Variants in ATXN10 observed in about 807,000 individuals in gnomAD.
ATXN10 encodes the protein ataxin 10.
Under a neutral mutation model 52.9 loss-of-function variants are expected in ATXN10, and 28 were observed. The observed-to-expected ratio is 0.53, with a 90% CI of 0.39 to 0.73. The LOEUF (loss-of-function observed/expected upper bound fraction) is 0.73. Ranked by LOEUF, ATXN10 falls within the 30% of genes least tolerant of loss-of-function variation. ATXN10 has a pLI of 0.00. For synonymous variants in ATXN10, 226 were observed against 221.5 expected, an observed-to-expected ratio of 1.02 and a Z score of -0.18; for missense variants, 565 against 577.0, an observed-to-expected ratio of 0.98 and a Z score of 0.21.
At position 45,712,866 on chromosome 22, in the gene ATXN10, A is replaced by G. The variant is rs143534015; in HGVS notation, c.648-5547A>G. Among the ~76,000 whole-genome samples, 6 of 152,192 alleles carry G rather than the reference A, an allele frequency of 3.9e-5. No individual in the cohort carries two copies. The highest frequency in any genetic ancestry group is 6.5e-5 in the Admixed American group (1 of 15,276). ...AGACCAGCTTTGTAAGCTTTGTCCA[A>G]ATTGCTGTGTTAAGCAACTGTGGGT... On this transcript the variant is annotated intron_variant, in intron 5 of 11. Coordinates refer to ENST00000252934, the MANE Select transcript of ATXN10 (RefSeq NM_013236.4). The surrounding 1 kb of genome is among the most constrained non-coding windows in gnomAD (Gnocchi z 4.6).
chr22:45,811,079 C>T (rs1928264261), intron 10 of ATXN10, among the ~76,000 whole-genome samples: 1 of 152,010 alleles, frequency 6.6e-6, no homozygotes, highest in Non-Finnish European at 1.5e-5. Context: ...ATATTTTTGT[C>T]TACTTTGATT....
chr22:45,692,866 A>G (rs1031843869), intron 2 of ATXN10, 130 bp from the exon 3 acceptor site: 1 of 769,834 alleles, frequency 1.3e-6, no homozygotes, highest in Admixed American at 2.1e-5. Context: ...GTAAAGAGCC[A>G]GATAATAAAT....
At chr22:45,807,340 T>C (rs1184536848) in intron 10 of ATXN10, among the ~76,000 whole-genome samples, 1 of 152,078 alleles carries the variant, frequency 6.6e-6, no homozygotes, top group Non-Finnish European at 1.5e-5. Flanking sequence ...ACCTTTCCAG[T>C]GTGTGTGTGG....
At chr22:45,721,240 T>G (rs1248725493) in intron 6 of ATXN10, among the ~76,000 whole-genome samples, 1 of 152,150 alleles carries the variant, frequency 6.6e-6, no homozygotes, top group Admixed American at 6.5e-5. Flanking sequence ...TCCAGGTGAA[T>G]TGGAGTGAAT....
At chr22:45,792,743 G>T in intron 9 of ATXN10, 1 of 455,550 alleles carries the variant, frequency 2.2e-6, no homozygotes, top group Non-Finnish European at 4.5e-6. Flanking sequence ...CTATAAACAA[G>T]CCAAGGTTTT....
At chr22:45,792,771 G>A (rs866545846) in intron 9 of ATXN10, 11 of 479,104 alleles carry the variant, frequency 2.3e-5, no homozygotes, top group Non-Finnish European at 3.8e-5. Flanking sequence ...TTTTGAAATC[G>A]TCAACCTCCA....
At position 45,738,557 on chromosome 22, in the gene ATXN10, G is replaced by A. The variant is rs73886500; in HGVS notation, c.895-174G>A. 1.2e-3 allele frequency: 717 copies of A among 604,216 alleles called. 5 individuals are homozygous for A. The African/African-American group carries it at 0.012, about 10-fold the overall frequency. 37.4% of individuals were successfully genotyped at this position (604,216 alleles called of 1,614,324 possible). A position where few individuals can be genotyped will look rare whatever the true frequency, so the allele number is the denominator to read the frequency against. On this transcript the variant is annotated intron_variant, in intron 7 of 11. Coordinates refer to ENST00000252934, the MANE Select transcript of ATXN10 (RefSeq NM_013236.4). ...GCTGTTAGTGAAAATGATGAGTCGTGTACATATTTCATACTTCTGTTTTGT... is the reference window on the plus strand; with the variant it reads ...GCTGTTAGTGAAAATGATGAGTCGTATACATATTTCATACTTCTGTTTTGT...
At chr22:45,782,061 G>A (rs575556021) in intron 9 of ATXN10, among the ~76,000 whole-genome samples, 1 of 152,346 alleles carries the variant, frequency 6.6e-6, no homozygotes, top group South Asian at 2.1e-4. Flanking sequence ...AAATTCAAGA[G>A]GGTCAAGAGT....
In ATXN10 at chr22:45,775,604, G is replaced by A. The variant is rs1001865659; in HGVS notation, c.1174-31355G>A. Among the ~76,000 whole-genome samples, 2 of 152,156 alleles carry A rather than the reference G, an allele frequency of 1.3e-5. No individual in the cohort carries two copies. The highest frequency in any genetic ancestry group is 3.8e-4 in the East Asian group (2 of 5,200). On this transcript the variant is annotated intron_variant, in intron 9 of 11. Transcript: ENST00000252934. This position sits in a 1 kb window ranked among gnomAD's most constrained non-coding sequence, Gnocchi z 4.7. ...TAGGTGACTGCCAAACATGGCTTTC[G>A]TCAGTGTTAGCCTGTGTAATGACAC...
intron 9 of ATXN10, among the ~76,000 whole-genome samples, chr22:45,743,306 T>G (rs377518153): frequency 6.6e-6 from 1 of 152,194 alleles, no homozygotes; most frequent in African/African-American, 2.4e-5. Flanking sequence ...CCTCTGGGAT[T>G]TTTTTCCTCC....
At chr22:45,730,685 C>T (rs1163255066) in intron 7 of ATXN10, among the ~76,000 whole-genome samples, 17 of 152,188 alleles carry the variant, frequency 1.1e-4, no homozygotes, top group Admixed American at 1.1e-3. Flanking sequence ...GATCTGCCTG[C>T]CTCGGCCTGC....
At chr22:45,679,561 C>T (rs907953334) in intron 1 of ATXN10, 3 of 152,294 alleles carry the variant, frequency 2.0e-5, no homozygotes, top group South Asian at 2.1e-4. Flanking sequence ...ATTACTGAGC[C>T]TCTGGGCAGC....
chr22:45,765,804 G>A (rs1392499727), intron 9 of ATXN10, among the ~76,000 whole-genome samples: 1 of 152,068 alleles, frequency 6.6e-6, no homozygotes, highest in Non-Finnish European at 1.5e-5. Context: ...CATTCAGATG[G>A]CATTTCTCCT....
chr22:45,736,524 A>G (rs1285690091), intron 7 of ATXN10, among the ~76,000 whole-genome samples: 1 of 151,984 alleles, frequency 6.6e-6, no homozygotes, highest in Non-Finnish European at 1.5e-5. Flanking sequence ...AGTGATTGAC[A>G]TAACTTTACT....
chr22:45,768,869 G>A (rs928661024), intron 9 of ATXN10, among the ~76,000 whole-genome samples: 6 of 152,208 alleles, frequency 3.9e-5, no homozygotes, highest in Admixed American at 3.3e-4. Context: ...TGGCTCTTAG[G>A]TAATATTAAG....
rs750279857 is a variant in ATXN10, at chr22:45,833,482, A to G, written c.1238-9509A>G. 1.3e-4 allele frequency among the ~76,000 whole-genome samples: 20 copies of G among 152,308 alleles called. No individual in the cohort carries two copies. The highest frequency in any genetic ancestry group is 1.3e-4 in the Admixed American group (2 of 15,298). On this transcript the variant is annotated intron_variant, in intron 10 of 11. Coordinates refer to ENST00000252934, the MANE Select transcript of ATXN10 (RefSeq NM_013236.4). This position sits in a 1 kb window ranked among gnomAD's most constrained non-coding sequence, Gnocchi z 4.3. ...CTTCATTTAATCCTTTCTAACTTAGAACTATTTTTGATCCTTGGCTGTACT... is the reference window on the plus strand; with the variant it reads ...CTTCATTTAATCCTTTCTAACTTAGGACTATTTTTGATCCTTGGCTGTACT...
At chr22:45,827,136 C>T (rs1019123867) in intron 10 of ATXN10, among the ~76,000 whole-genome samples, 1 of 3,380 alleles carries the variant, frequency 3.0e-4, no homozygotes, top group Non-Finnish European at 4.7e-4. Flanking sequence ...TAACCACACA[C>T]ACACACACAC....
In ATXN10 at chr22:45,678,435, G is replaced by A. The variant is rs886871478; in HGVS notation, c.116+6256G>A. On this transcript the variant is annotated intron_variant, in intron 1 of 11. Coordinates refer to ENST00000252934, the MANE Select transcript of ATXN10 (RefSeq NM_013236.4). This position sits in a 1 kb window ranked among gnomAD's most constrained non-coding sequence, Gnocchi z 4.1. ...AAAATGAGTGACACTGAATTTTGGT[G>A]GGCATGTGAAGCTATATATTTATGA... 5.3e-5 allele frequency: 8 copies of A among 152,104 alleles called. No homozygotes were observed. Among genetic ancestry groups the A allele is most frequent in the African/African-American group, 1.9e-4 (8 of 41,410 alleles). 9.4% of individuals were successfully genotyped at this position (152,104 alleles called of 1,614,324 possible).
At chr22:45,778,683 A>G (rs1240029808) in intron 9 of ATXN10, among the ~76,000 whole-genome samples, 1 of 152,240 alleles carries the variant, frequency 6.6e-6, no homozygotes, top group East Asian at 1.9e-4. Flanking sequence ...AGGATTCTCC[A>G]TTAAGTGAAT....
Sources: allele counts gnomAD v4.1 joint callset (sites outside exome capture counted in the v4.1 genomes callset), GRCh38; gene constraint gnomAD v4.1.1; non-coding constraint Gnocchi (gnomAD v3.1); transcripts MANE v1.5; gene names NCBI Gene and HGNC (gene_info 2026-07-23, HGNC 2026-07-21).